Variants in ELF1 observed in about 807,000 individuals in gnomAD.
ELF1 encodes the protein ETS-related transcription factor Elf-1.
In ELF1, 24 loss-of-function variants were observed where a neutral mutation model predicts 59.9. The observed-to-expected ratio is 0.40, with a 90% CI of 0.29 to 0.56. The LOEUF is 0.56. Ranked by LOEUF, ELF1 falls within the 20% of genes least tolerant of loss-of-function variation. The pLI is 0.44. For synonymous variants in ELF1, 248 were observed against 266.2 expected (o/e 0.93, Z 0.67); for missense variants, 627 against 742.2 (o/e 0.84, Z 1.80).
chr13:40,995,508 G>A (rs917803557), intron 1 of ELF1, among the ~76,000 whole-genome samples: 2 of 152,260 alleles, frequency 1.3e-5, no homozygotes, highest in Admixed American at 6.5e-5. Flanking sequence ...TGAGGTACTG[G>A]TGAAAGAACA....
At chr13:41,042,103 A>AC (rs1876634962) in intron 1 of ELF1, among the ~76,000 whole-genome samples, 1 of 152,100 alleles carries the variant, frequency 6.6e-6, no homozygotes, top group Non-Finnish European at 1.5e-5. Flanking sequence ...GCTCACTGCA[A>AC]CCTCTGCCTC....
chr13:41,042,505 G>A (rs1876659246), intron 1 of ELF1, among the ~76,000 whole-genome samples: 1 of 151,750 alleles, frequency 6.6e-6, no homozygotes, highest in Non-Finnish European at 1.5e-5. Flanking sequence ...TTCCCTTCCT[G>A]TGTCCGAGTG....
intron 8 of ELF1, among the ~76,000 whole-genome samples, chr13:40,937,515 G>A (rs1391036286): frequency 6.6e-6 from 1 of 152,194 alleles, no homozygotes; most frequent in African/African-American, 2.4e-5. Context: ...TGTCACTTGG[G>A]CTGGAGTGCA....
intron 1 of ELF1, among the ~76,000 whole-genome samples, chr13:40,990,588 G>A (rs1873788516): frequency 6.6e-6 from 1 of 152,024 alleles, no homozygotes; most frequent in Non-Finnish European, 1.5e-5. Context: ...AGGTGCAGTG[G>A]CTCACACCTG....
intron 2 of ELF1, among the ~76,000 whole-genome samples, chr13:40,975,060 A>C (rs1233228502): frequency 6.6e-6 from 1 of 152,254 alleles, no homozygotes; most frequent in African/African-American, 2.4e-5. Context: ...TTGATATGAC[A>C]AGATTTAAAA....
intron 2 of ELF1, among the ~76,000 whole-genome samples, chr13:40,963,960 T>C (rs1226992550): frequency 2.0e-5 from 3 of 151,978 alleles, no homozygotes; most frequent in African/African-American, 7.2e-5. Context: ...GGCTTGAATC[T>C]GTATATACAA....
chr13:41,053,754 T>C (rs540756949), intron 1 of ELF1, among the ~76,000 whole-genome samples: 1 of 152,338 alleles, frequency 6.6e-6, no homozygotes, highest in South Asian at 2.1e-4. Context: ...CAAATAAGTA[T>C]TTCACAATCA....
rs747430985 is a variant in ELF1 at position 40,933,355 on chromosome 13, ATCAG to A, written c.*66_*69del. Reference sequence around the variant, plus strand: ...AAACCTCCTTAGAATTTATCTTAGAATCAGTCAGTCTGCATATAATTGAAAATGT... The same window carrying A: ...AAACCTCCTTAGAATTTATCTTAGAATCAGTCTGCATATAATTGAAAATGT... On this transcript the variant is annotated 3_prime_UTR_variant, in exon 9 of 9. Transcript: ENST00000239882. The A allele has an allele frequency of 1.5e-4, 220 of 1,516,580 alleles. No homozygotes were observed. Among genetic ancestry groups the A allele is most frequent in the Non-Finnish European group, 1.6e-4 (183 of 1,130,844 alleles). 93.9% of individuals were successfully genotyped at this position (1,516,580 alleles called of 1,614,324 possible).
chr13:40,961,131 C>T (rs1422764047), intron 2 of ELF1, among the ~76,000 whole-genome samples: 1 of 133,864 alleles, frequency 7.5e-6, no homozygotes, highest in Non-Finnish European at 1.7e-5. Flanking sequence ...TACAAAACTA[C>T]ACACTGAGGT....
At chr13:40,934,162 C>A in intron 8 of ELF1, 134 bp from the exon 9 acceptor site, 1 of 1,187,268 alleles carries the variant, frequency 8.4e-7, no homozygotes, top group Non-Finnish European at 1.2e-6. Flanking sequence ...TTCAACAGAG[C>A]ATGACCAATA....
At chr13:41,061,340 G>C (rs1010572452) in exon 1 of ELF1, 1 of 454,364 alleles carries the variant, frequency 2.2e-6, no homozygotes, top group African/African-American at 2.0e-5. Context: ...GCAGGGACTT[G>C]AGGCTTGAGA....
intron 1 of ELF1, among the ~76,000 whole-genome samples, chr13:41,044,228 C>T (rs1876745661): frequency 6.6e-6 from 1 of 152,184 alleles, no homozygotes; most frequent in African/African-American, 2.4e-5. Context: ...GACATACAAT[C>T]ATGTCATCTG....
rs763093221 is a variant in ELF1, at chr13:40,951,449, T to G, written c.254-13A>C. ...CAAGAAGCTTCAACTGCAACACATT[T>G]AAAGAGAAAATTAAATTAACTACGA... On this transcript the variant is annotated splice_polypyrimidine_tract_variant and intron_variant, in intron 3 of 8. Transcript: ENST00000239882. 1 of 1,611,310 alleles carries G rather than the reference T, an allele frequency of 6.2e-7. No homozygotes were observed. The highest frequency in any genetic ancestry group is 1.1e-5 in the South Asian group (1 of 90,918).
chr13:40,981,890 T>C (rs575642419), intron 2 of ELF1, 93 bp downstream of exon 2: 27 of 1,382,736 alleles, frequency 2.0e-5, no homozygotes, highest in African/African-American at 3.0e-5. Flanking sequence ...CAATAAAGTT[T>C]CTCTCATTGT....
intron 1 of ELF1, among the ~76,000 whole-genome samples, chr13:41,046,158 T>C (rs1005165823): frequency 2.0e-5 from 3 of 152,200 alleles, no homozygotes; most frequent in African/African-American, 7.2e-5. Flanking sequence ...TCCATCCCTT[T>C]ATTTTGAGCC....
intron 2 of ELF1, among the ~76,000 whole-genome samples, chr13:40,973,335 G>C (rs1347674533): frequency 6.6e-6 from 1 of 151,970 alleles, no homozygotes; most frequent in Non-Finnish European, 1.5e-5. Context: ...ACAATTCCTT[G>C]GCAATTTTCC....
chr13:41,039,329 C>CT (rs111505301), intron 1 of ELF1, among the ~76,000 whole-genome samples: 58 of 135,766 alleles, frequency 4.3e-4, no homozygotes, highest in African/African-American at 1.4e-3. Flanking sequence ...ACAAAAAGTC[C>CT]TTTTTTTAAA....
At chr13:41,060,322 G>A (rs1448939553) in intron 1 of ELF1, among the ~76,000 whole-genome samples, 3 of 152,220 alleles carry the variant, frequency 2.0e-5, no homozygotes, top group East Asian at 1.9e-4. Flanking sequence ...GGGTCAGCCC[G>A]TCCTGCATAG....
intron 3 of ELF1, among the ~76,000 whole-genome samples, chr13:40,952,243 G>T (rs1870901803): frequency 6.6e-6 from 1 of 151,932 alleles, no homozygotes; most frequent in Admixed American, 6.6e-5. Context: ...ATATCTGGAG[G>T]CTTGATGAAA....
Sources: gnomAD v4.1 joint callset for allele counts (sites outside exome capture counted in the v4.1 genomes callset) on GRCh38, gnomAD v4.1.1 for gene constraint, MANE v1.5 for transcripts, NCBI Gene and HGNC (gene_info 2026-07-23, HGNC 2026-07-21) for gene names.